Variants in TEX9 observed in about 807,000 individuals in gnomAD.
TEX9 encodes testis-expressed protein 9.
Under a neutral mutation model 59.6 loss-of-function variants are expected in TEX9, and 74 were observed. The ratio of observed to expected loss-of-function variants is 1.24; its 90% CI spans 1.03 to 1.51. The LOEUF is 1.51. Among genes scored for constraint, TEX9 ranks in the 40% most tolerant of loss-of-function variants. The pLI is 0.00. For synonymous variants in TEX9, 186 were observed against 152.2 expected (o/e 1.22, Z -1.64); for missense variants, 522 against 447.8 (o/e 1.17, Z -1.49).
chr15:56,375,219 A>C (rs2047380098), intron 3 of TEX9, among the ~76,000 whole-genome samples: 1 of 152,160 alleles, frequency 6.6e-6, no homozygotes. Context: ...AACTGGTGTG[A>C]GATGGTATCT....
chr15:56,365,566 G>A lies in TEX9; in HGVS notation c.28-13G>A. On this transcript the variant is annotated splice_polypyrimidine_tract_variant and intron_variant, in intron 1 of 12. Coordinates refer to ENST00000352903, the Ensembl canonical transcript of TEX9. Reference sequence around the variant, plus strand: ...TTTAACTTCGGGTCTGAAAGTCTGTGGCTCTTTTACAGAGAAGCAGCGTTC... The same window carrying A: ...TTTAACTTCGGGTCTGAAAGTCTGTAGCTCTTTTACAGAGAAGCAGCGTTC... 1.2e-6 allele frequency: 2 copies of A among 1,614,182 alleles called. No homozygotes were observed. Among genetic ancestry groups the A allele is most frequent in the Non-Finnish European group, 1.7e-6 (2 of 1,180,034 alleles).
chr15:56,283,049 G>GGTGTGTGTGTGTGTGTGTGT (rs3985761), intron 1 of TEX9, among the ~76,000 whole-genome samples: 15 of 148,552 alleles, frequency 1.0e-4, no homozygotes, highest in African/African-American at 3.7e-4. Flanking sequence ...TACATTGTGT[G>GGTGTGTGTGTGTGTGTGTGT]GTGTGTGTGT....
intron 1 of TEX9, among the ~76,000 whole-genome samples, chr15:56,354,112 G>C (rs2046638114): frequency 6.6e-6 from 1 of 152,046 alleles, no homozygotes; most frequent in African/African-American, 2.4e-5. Flanking sequence ...AATCCTTCCT[G>C]GCTTTTAAGT....
At chr15:56,289,902 C>G (rs1381852340) in intron 1 of TEX9, among the ~76,000 whole-genome samples, 1 of 152,206 alleles carries the variant, frequency 6.6e-6, no homozygotes, top group African/African-American at 2.4e-5. Flanking sequence ...AGAATGGGAG[C>G]ACAGACATGC....
intron 1 of TEX9, among the ~76,000 whole-genome samples, chr15:56,342,896 G>A (rs1316525421): frequency 6.6e-6 from 1 of 152,138 alleles, no homozygotes; most frequent in African/African-American, 2.4e-5. Context: ...AACATTGTTA[G>A]CCAGATGAGA....
At chr15:56,415,541 T>C (rs1408239993) in intron 10 of TEX9, among the ~76,000 whole-genome samples, 2 of 151,964 alleles carry the variant, frequency 1.3e-5, no homozygotes, top group East Asian at 3.9e-4. Flanking sequence ...CGGTTGTAGA[T>C]GTGCGGCCTT....
intron 1 of TEX9, among the ~76,000 whole-genome samples, chr15:56,328,190 A>C (rs1462290195): frequency 6.6e-6 from 1 of 151,626 alleles, no homozygotes; most frequent in Non-Finnish European, 1.5e-5. Flanking sequence ...ATGAGGTCCC[A>C]CTCCAGACCC....
At chr15:56,277,270 T>C (rs2044693734) in intron 1 of TEX9, among the ~76,000 whole-genome samples, 1 of 152,198 alleles carries the variant, frequency 6.6e-6, no homozygotes, top group Non-Finnish European at 1.5e-5. Context: ...CTGAATGGTA[T>C]TGCCTAGGTT....
At chr15:56,290,150 C>T (rs1373001491) in intron 1 of TEX9, among the ~76,000 whole-genome samples, 2 of 152,062 alleles carry the variant, frequency 1.3e-5, no homozygotes, top group Non-Finnish European at 2.9e-5. Flanking sequence ...CAACTGGGTT[C>T]GGGAGAGGTG....
At chr15:56,255,364 T>G (rs2044122119) in intron 1 of TEX9, among the ~76,000 whole-genome samples, 1 of 152,054 alleles carries the variant, frequency 6.6e-6, no homozygotes. Flanking sequence ...AACTTTTATA[T>G]AGCTGTGTGT....
intron 1 of TEX9, among the ~76,000 whole-genome samples, chr15:56,305,773 G>C (rs1161332288): frequency 6.6e-6 from 1 of 151,966 alleles, no homozygotes; most frequent in African/African-American, 2.4e-5. Flanking sequence ...TGGACAAATG[G>C]GATCACATCA....
intron 1 of TEX9, among the ~76,000 whole-genome samples, chr15:56,320,653 C>T (rs898752975): frequency 2.0e-4 from 31 of 152,164 alleles, no homozygotes; most frequent in Middle Eastern, 3.2e-3. Flanking sequence ...CCCTCCAGAG[C>T]TGTGGAGATA....
chr15:56,431,036 C>T (rs989943980), intron 12 of TEX9, among the ~76,000 whole-genome samples: 1 of 152,134 alleles, frequency 6.6e-6, no homozygotes, highest in Non-Finnish European at 1.5e-5. Context: ...TGGCAAACGC[C>T]TGTAATCCCA....
At chr15:56,366,870 AAGAT>A (rs2046968710) in intron 2 of TEX9, among the ~76,000 whole-genome samples, 1 of 152,246 alleles carries the variant, frequency 6.6e-6, no homozygotes, top group African/African-American at 2.4e-5. Flanking sequence ...AGCAAGTAGG[AAGAT>A]AATCATATCT....
chr15:56,380,928 C>G (rs2047696103), intron 3 of TEX9, among the ~76,000 whole-genome samples: 1 of 152,052 alleles, frequency 6.6e-6, no homozygotes, highest in Non-Finnish European at 1.5e-5. Flanking sequence ...GCTTGGTGTT[C>G]TATAGTCTTC....
chr15:56,320,883 A>T (rs1391918418), intron 1 of TEX9, among the ~76,000 whole-genome samples: 1 of 152,212 alleles, frequency 6.6e-6, no homozygotes, highest in African/African-American at 2.4e-5. Context: ...TCCCTCAGGA[A>T]TATTGTGAAG....
chr15:56,418,974 C>T (rs8023554), intron 10 of TEX9, among the ~76,000 whole-genome samples: 22,604 of 151,692 alleles, frequency 0.15, 2,483 homozygotes, highest in East Asian at 0.37. Flanking sequence ...TGTGTTGAAT[C>T]TATAGATCAG....
chr15:56,403,302 T>G (rs1363627304), intron 9 of TEX9, among the ~76,000 whole-genome samples: 2 of 152,338 alleles, frequency 1.3e-5, no homozygotes, highest in Middle Eastern at 3.4e-3. Context: ...GGATACAAAA[T>G]CAATGTGCAA....
chr15:56,305,262 T>G lies in TEX9; in HGVS notation c.-107+60984T>G, dbSNP rs1456607288. Among the ~76,000 whole-genome samples the G allele has an allele frequency of 2.6e-5, 4 of 151,756 alleles. No homozygotes were observed. In the East Asian group the frequency reaches 7.7e-4, roughly 29 times the overall value. Reference sequence around the variant, plus strand: ...GAAAACACCACTGACATTCTTCACATAAATAAAAAAAAAATCCTACAATTT... The same window carrying G: ...GAAAACACCACTGACATTCTTCACAGAAATAAAAAAAAAATCCTACAATTT... On this transcript the variant is annotated intron_variant, in intron 1 of 5. Transcript: ENST00000560827.
Sources: gnomAD v4.1 joint callset for allele counts (sites outside exome capture counted in the v4.1 genomes callset) on GRCh38, gnomAD v4.1.1 for gene constraint, MANE v1.5 for transcripts, NCBI Gene and HGNC (gene_info 2026-07-23, HGNC 2026-07-21) for gene names.